The following CLPB variants were observed in gnomAD, a reference collection of about 807,000 sequenced individuals.
CLPB encodes the protein ClpB family mitochondrial disaggregase.
Under a neutral mutation model 78.4 loss-of-function variants are expected in CLPB, and 40 were observed. The observed-to-expected ratio is 0.51, with a 90% confidence interval of 0.40 to 0.66. The LOEUF is 0.66. Among genes scored for constraint, CLPB ranks in the 30% least tolerant of loss-of-function variants. CLPB has a pLI of 0.00. For synonymous variants in CLPB, 333 were observed against 348.0 expected, an observed-to-expected ratio of 0.96 and a Z score of 0.48; for missense variants, 780 against 886.9, an observed-to-expected ratio of 0.88 and a Z score of 1.53.
chr11:72,388,250 C>CTTTTT (rs60096746), intron 3 of CLPB, among the ~76,000 whole-genome samples: 1 of 138,100 alleles, frequency 7.2e-6, no homozygotes, highest in Non-Finnish European at 1.6e-5. Context: ...TTCCCTTCCC[C>CTTTTT]TTTTTTTTTT....
chr11:72,433,669 G>A (rs567528006), intron 1 of CLPB, among the ~76,000 whole-genome samples: 2 of 152,216 alleles, frequency 1.3e-5, no homozygotes, highest in South Asian at 4.2e-4. Flanking sequence ...GTAGGGGGGA[G>A]CGGTTTGGCA....
intron 3 of CLPB, among the ~76,000 whole-genome samples, chr11:72,383,857 T>C (rs1279073056): frequency 6.6e-6 from 1 of 152,196 alleles, no homozygotes; most frequent in East Asian, 1.9e-4. Context: ...TAAATTTATA[T>C]GAAATGCTAA....
chr11:72,393,440 A>C (rs1444079997), intron 3 of CLPB, among the ~76,000 whole-genome samples: 2 of 152,218 alleles, frequency 1.3e-5, no homozygotes, highest in Non-Finnish European at 2.9e-5. Context: ...GTGCATTTTA[A>C]TCTTTGCAAC....
chr11:72,359,198 A>T (rs970707527), intron 4 of CLPB, 190 bp from the exon 5 acceptor site: 1 of 753,548 alleles, frequency 1.3e-6, no homozygotes, highest in African/African-American at 1.7e-5. Flanking sequence ...TTAGTTCCAC[A>T]ATGTTTACTG....
At chr11:72,405,206 G>C (rs1388307859) in intron 2 of CLPB, among the ~76,000 whole-genome samples, 1 of 152,204 alleles carries the variant, frequency 6.6e-6, no homozygotes, top group African/African-American at 2.4e-5. Context: ...AAGAAACAGG[G>C]TATGACTGCG....
Position 72,321,688 on chromosome 11 carries a change from G to A in CLPB, c.874-4468C>T, listed in dbSNP as rs191762198. On this transcript the variant is annotated intron_variant, in intron 6 of 15. Coordinates refer to ENST00000538039, the MANE Select transcript of CLPB (RefSeq NM_001258392.3). The stretch of plus-strand genomic sequence containing the variant: ...AGTGTGTTCACTGAGGGGGCAGCTG[G>A]AGTAGGCAGAACAAGACCCTGGGCA... Among the ~76,000 whole-genome samples, 48 of 152,322 alleles carry A rather than the reference G, an allele frequency of 3.2e-4. 1 individual carries two copies. In the East Asian group the frequency reaches 8.5e-3, roughly 27 times the overall value.
intron 2 of CLPB, among the ~76,000 whole-genome samples, chr11:72,427,203 A>C (rs79272647): frequency 0.1 from 15,341 of 152,254 alleles, 1,347 homozygotes; most frequent in African/African-American, 0.24. Context: ...GCAGAAGAGC[A>C]TTAGGCTGCT....
At chr11:72,359,261 G>T in intron 4 of CLPB, 2 of 632,188 alleles carry the variant, frequency 3.2e-6, no homozygotes, top group Non-Finnish European at 5.9e-6. Context: ...GATCAGATAA[G>T]GTCCCTGACC....
At chr11:72,340,343 A>G (rs1950398029) in intron 5 of CLPB, among the ~76,000 whole-genome samples, 2 of 152,168 alleles carry the variant, frequency 1.3e-5, no homozygotes, top group African/African-American at 2.4e-5. Context: ...TGCAGACTCT[A>G]TTGCTCTATT....
At chr11:72,402,087 C>T (rs566924409) in intron 3 of CLPB, among the ~76,000 whole-genome samples, 1 of 151,662 alleles carries the variant, frequency 6.6e-6, no homozygotes, top group Admixed American at 6.6e-5. Context: ...AGTGAGACCC[C>T]TATCTTTAAA....
intron 2 of CLPB, among the ~76,000 whole-genome samples, chr11:72,408,521 G>C: frequency 1.3e-5 from 2 of 151,980 alleles, no homozygotes. Flanking sequence ...CAAAAAATTA[G>C]CCGGGTGTGG....
intron 2 of CLPB, among the ~76,000 whole-genome samples, chr11:72,405,906 C>T (rs372642064): frequency 3.3e-5 from 5 of 150,716 alleles, no homozygotes; most frequent in Non-Finnish European, 5.9e-5. Flanking sequence ...CCAGCCCGGG[C>T]GACAGAGTGA....
rs752870447 is a variant in CLPB at position 72,295,517 on chromosome 11, G to A, written c.1461C>T (p.Ser487=). The A allele has an allele frequency of 2.5e-6, 4 of 1,614,054 alleles. No homozygotes were observed. The East Asian group carries it at 8.9e-5, about 36-fold the overall frequency. ...LQLRQEALEM[S]RNRIAENLGD... ...CCAGGTTTTCGGCAATACGGTTACG[G>A]CTCATCTCCAAAGCTTCCTGCCTCA... Residue 487 remains serine, a synonymous_variant, in exon 12 of 16, where the codon AGC becomes AGT. Coordinates refer to ENST00000538039, the MANE Select transcript of CLPB (RefSeq NM_001258392.3).
Position 72,286,232 on chromosome 11 carries a change from T to TTGTTTTTTTTG in CLPB, c.*7134_*7135insCAAAAAAAACA, listed in dbSNP as rs1411395713. The stretch of plus-strand genomic sequence containing the variant: ...GTGAGATACTGCACCTGTTTTTTTT[T>TTGTTTTTTTTG]TTTTTTTTTTTTTTAAGAGATAGGG... On this transcript the variant is annotated 3_prime_UTR_variant, in exon 16 of 16. Transcript: ENST00000538039. The TTGTTTTTTTTG allele has an allele frequency of 8.9e-5, 12 of 134,540 alleles. No homozygotes were observed. The highest frequency in any genetic ancestry group is 1.4e-4 in the Non-Finnish European group (9 of 62,578). The allele number at this position is 134,540 out of a possible 1,614,324, so 8.3% of individuals were successfully genotyped here. A position where few individuals can be genotyped will look rare whatever the true frequency, so the allele number is the denominator to read the frequency against.
intron 3 of CLPB, among the ~76,000 whole-genome samples, chr11:72,402,328 T>C (rs190990762): frequency 7.9e-5 from 12 of 152,348 alleles, no homozygotes; most frequent in Non-Finnish European, 1.2e-4. Flanking sequence ...ATCCTGTCCA[T>C]GTGACATAAA....
Position 72,412,411 on chromosome 11 carries a change from T to G in CLPB, c.456-9359A>C, listed in dbSNP as rs193293812. 1.1e-4 allele frequency among the ~76,000 whole-genome samples: 17 copies of G among 152,358 alleles called. No homozygotes were observed. In the East Asian group the frequency reaches 3.3e-3, roughly 29 times the overall value. On this transcript the variant is annotated intron_variant, in intron 2 of 15. Coordinates refer to ENST00000538039, the MANE Select transcript of CLPB (RefSeq NM_001258392.3). ...CACAAATGCCAAGTGTACTGTGGAATGTGTCTGCATGTTTCATAGCTGGCT... is the reference window on the plus strand; with the variant it reads ...CACAAATGCCAAGTGTACTGTGGAAGGTGTCTGCATGTTTCATAGCTGGCT...
chr11:72,366,854 C>G (rs1400978390), intron 4 of CLPB, among the ~76,000 whole-genome samples: 2 of 152,052 alleles, frequency 1.3e-5, no homozygotes, highest in Non-Finnish European at 2.9e-5. Flanking sequence ...ACCATTCAAC[C>G]CAGAAATCTC....
intron 2 of CLPB, among the ~76,000 whole-genome samples, chr11:72,415,639 TC>T (rs2135123253): frequency 6.6e-6 from 1 of 152,296 alleles, no homozygotes; most frequent in East Asian, 1.9e-4. Context: ...CCTTAAAGTG[TC>T]CTTACCTTTA....
chr11:72,367,868 T>C (rs1338163207), intron 4 of CLPB, among the ~76,000 whole-genome samples: 1 of 152,180 alleles, frequency 6.6e-6, no homozygotes, highest in African/African-American at 2.4e-5. Flanking sequence ...TATTAAGCTC[T>C]TGTATAATTC....
Sources: allele counts gnomAD v4.1 joint callset (sites outside exome capture counted in the v4.1 genomes callset), GRCh38; gene constraint gnomAD v4.1.1; transcripts MANE v1.5; gene names NCBI Gene and HGNC (gene_info 2026-07-23, HGNC 2026-07-21).